Variants in CCDC178 observed in about 807,000 individuals in gnomAD.
CCDC178 encodes coiled-coil domain-containing protein 178.
A neutral mutation model predicts 117.4 loss-of-function variants in CCDC178; 126 were observed. That is an observed-to-expected ratio of 1.07 (90% CI 0.93 to 1.24). The LOEUF (loss-of-function observed/expected upper bound fraction) is 1.24, where lower values mean the gene tolerates loss of function less well. Among genes scored for constraint, CCDC178 ranks in the 50% most tolerant of loss-of-function variants. CCDC178 has a pLI of 0.00. For missense variants in CCDC178, 1,030 were observed against 986.9 expected (o/e 1.04, Z -0.59); for synonymous variants, 283 against 313.4 (o/e 0.90, Z 1.02).
Position 33,356,319 on chromosome 18 carries a change from C to A in CCDC178, c.371+5G>T. 6.8e-7 allele frequency: 1 copy of A among 1,478,754 alleles called. No individual in the cohort carries two copies. The highest frequency in any genetic ancestry group is 9.1e-7 in the Non-Finnish European group (1 of 1,094,390). 91.6% of individuals were successfully genotyped at this position (1,478,754 alleles called of 1,614,324 possible). A position where few individuals can be genotyped will look rare whatever the true frequency, so the allele number is the denominator to read the frequency against. ...ATAGTTTTAAAAAGCATGAAATTTTCTTACCATTCTTCAAAAGAAGTTTCA... is the reference window on the plus strand; with the variant it reads ...ATAGTTTTAAAAAGCATGAAATTTTATTACCATTCTTCAAAAGAAGTTTCA... On this transcript the variant is annotated splice_donor_5th_base_variant and intron_variant, in intron 7 of 22. Coordinates refer to ENST00000383096, the MANE Select transcript of CCDC178 (RefSeq NM_001105528.4).
chr18:33,166,826 T>C (rs1044662885), intron 20 of CCDC178, among the ~76,000 whole-genome samples: 2 of 152,150 alleles, frequency 1.3e-5, no homozygotes, highest in African/African-American at 2.4e-5. Context: ...AGGTTTGTTA[T>C]ATAGGTAAAT....
intron 22 of CCDC178, among the ~76,000 whole-genome samples, chr18:32,938,553 G>A (rs1217967040): frequency 6.6e-6 from 1 of 152,060 alleles, no homozygotes; most frequent in Non-Finnish European, 1.5e-5. Flanking sequence ...TAGGGAAAAA[G>A]GAAAATTTCT....
At chr18:33,407,001 A>T (rs180865778) in intron 3 of CCDC178, among the ~76,000 whole-genome samples, 10 of 152,326 alleles carry the variant, frequency 6.6e-5, no homozygotes, top group Admixed American at 1.3e-4. Context: ...CATGTTAACT[A>T]TTAAACTACC....
chr18:33,008,323 T>A (rs374987669), intron 21 of CCDC178, among the ~76,000 whole-genome samples: 1 of 152,098 alleles, frequency 6.6e-6, no homozygotes, highest in East Asian at 1.9e-4. Context: ...CAGAAAACAT[T>A]GTCCACAAAT....
chr18:33,020,521 A>G (rs924476630), intron 21 of CCDC178, among the ~76,000 whole-genome samples: 5 of 152,224 alleles, frequency 3.3e-5, no homozygotes, highest in African/African-American at 1.2e-4. Flanking sequence ...GTTTGTATTT[A>G]TAAGTCCATG....
chr18:33,092,028 C>T (rs974934708), intron 21 of CCDC178, among the ~76,000 whole-genome samples: 1 of 151,892 alleles, frequency 6.6e-6, no homozygotes, highest in Non-Finnish European at 1.5e-5. Context: ...TGGGTGATAC[C>T]AGTAGGAGAA....
chr18:33,390,909 G>A (rs1457587930), intron 4 of CCDC178, among the ~76,000 whole-genome samples: 1 of 151,596 alleles, frequency 6.6e-6, no homozygotes, highest in African/African-American at 2.4e-5. Context: ...AATGCTTGCA[G>A]ATTAACTTAT....
chr18:32,990,396 T>C (rs376369384), intron 21 of CCDC178, among the ~76,000 whole-genome samples: 8 of 152,228 alleles, frequency 5.3e-5, no homozygotes, highest in Admixed American at 1.3e-4. Context: ...TGTTTTGGTA[T>C]AAGAATAGAC....
chr18:33,164,408 C>T (rs2058503729), intron 20 of CCDC178, among the ~76,000 whole-genome samples: 1 of 151,906 alleles, frequency 6.6e-6, no homozygotes, highest in Admixed American at 6.6e-5. Context: ...GACACTGCAC[C>T]CTAACCAGGA....
intron 11 of CCDC178, among the ~76,000 whole-genome samples, chr18:33,311,174 A>C (rs1050970580): frequency 2.0e-5 from 3 of 150,904 alleles, no homozygotes; most frequent in Non-Finnish European, 1.5e-5. Context: ...AAAACAAAAC[A>C]AAACAAAAAA....
intron 20 of CCDC178, among the ~76,000 whole-genome samples, chr18:33,100,528 G>C (rs201108250): frequency 8.6e-5 from 13 of 151,946 alleles, no homozygotes; most frequent in Admixed American, 3.3e-4. Context: ...TCCACATAAC[G>C]ATAGTAGTTC....
Position 33,234,371 on chromosome 18 carries a change from T to C in CCDC178, c.1594-7516A>G, listed in dbSNP as rs551617266. Among the ~76,000 whole-genome samples, 42 of 152,234 alleles carry C rather than the reference T, an allele frequency of 2.8e-4. 1 individual carries two copies. The highest frequency in any genetic ancestry group is 1.7e-3 in the South Asian group (8 of 4,824). On this transcript the variant is annotated intron_variant, in intron 15 of 22. Transcript: ENST00000383096. Reference sequence around the variant, plus strand: ...CTTTCCATTCAATTTTGGCAAAGTATTCTGCCTATGAATGGAGTGGAAAAG... The same window carrying C: ...CTTTCCATTCAATTTTGGCAAAGTACTCTGCCTATGAATGGAGTGGAAAAG...
intron 22 of CCDC178, chr18:32,956,875 A>C (rs1166612832): frequency 6.6e-6 from 1 of 152,214 alleles, no homozygotes; most frequent in Non-Finnish European, 1.5e-5. Flanking sequence ...GAACTTTTAT[A>C]AGGCAAAGAA....
chr18:33,400,161 G>A (rs1238776093), intron 3 of CCDC178, among the ~76,000 whole-genome samples: 2 of 147,606 alleles, frequency 1.4e-5, no homozygotes, highest in African/African-American at 5.0e-5. Flanking sequence ...AGTAAACCAC[G>A]GTACAAACAG....
rs562871154 is a variant in CCDC178 at position 33,346,815 on chromosome 18, T to C, written c.458-404A>G. On this transcript the variant is annotated intron_variant, in intron 8 of 22. Coordinates refer to ENST00000383096, the MANE Select transcript of CCDC178 (RefSeq NM_001105528.4). ...TCAGGTAAATACTGAATAATCATAA[T>C]GGTTCCTAGAAACAAGACATATTCT... is the stretch of plus-strand genomic sequence containing the variant. 6.6e-5 allele frequency among the ~76,000 whole-genome samples: 10 copies of C among 152,304 alleles called. No homozygotes were observed. In the South Asian group the frequency reaches 1.5e-3, roughly 22 times the overall value.
At chr18:33,075,897 AG>A in intron 21 of CCDC178, among the ~76,000 whole-genome samples, 1 of 152,166 alleles carries the variant, frequency 6.6e-6, no homozygotes, top group East Asian at 1.9e-4. Flanking sequence ...TGCTCCCAGG[AG>A]GCGGAGGTTG....
intron 6 of CCDC178, among the ~76,000 whole-genome samples, chr18:33,368,214 ATAAATATTTAT>A (rs1416867543): frequency 6.6e-6 from 1 of 152,000 alleles, no homozygotes; most frequent in East Asian, 1.9e-4. Flanking sequence ...GGGCAAAACA[ATAAATATTTAT>A]TAAATGTCTA....
At chr18:33,238,485 T>C (rs897370778) in intron 15 of CCDC178, among the ~76,000 whole-genome samples, 1 of 151,792 alleles carries the variant, frequency 6.6e-6, no homozygotes, top group African/African-American at 2.4e-5. Context: ...AAACTAGAGC[T>C]GAATAATATG....
At chr18:33,316,271 G>A (rs2144975552) in intron 11 of CCDC178, among the ~76,000 whole-genome samples, 1 of 152,336 alleles carries the variant, frequency 6.6e-6, no homozygotes, top group East Asian at 1.9e-4. Flanking sequence ...GGTGCTTGCG[G>A]GATAGCGCGA....
Sources: gnomAD v4.1 joint callset for allele counts (sites outside exome capture counted in the v4.1 genomes callset) on GRCh38, gnomAD v4.1.1 for gene constraint, MANE v1.5 for transcripts, NCBI Gene and HGNC (gene_info 2026-07-23, HGNC 2026-07-21) for gene names.